The following LOC400499 variants were observed in gnomAD, a reference collection of about 807,000 sequenced individuals.
chr16:11,494,919 AC>A, the LOC400499 span, among the ~76,000 whole-genome samples: 1 of 152,090 alleles, frequency 6.6e-6, no homozygotes, highest in Non-Finnish European at 1.5e-5. Context: ...TTTTAAAAGC[AC>A]CCCAGAGGCC....
At chr16:11,490,088 T>G in the LOC400499 span, among the ~76,000 whole-genome samples, 1 of 152,198 alleles carries the variant, frequency 6.6e-6, no homozygotes, top group Non-Finnish European at 1.5e-5. Flanking sequence ...CTCCTAGACA[T>G]GCTAAAGACA....
At chr16:11,466,929 G>C in the LOC400499 span, among the ~76,000 whole-genome samples, 1 of 150,348 alleles carries the variant, frequency 6.7e-6, no homozygotes, top group African/African-American at 2.5e-5. Context: ...TATTGTGTGT[G>C]TGTGTGTGTA....
At chr16:11,415,612 G>A in the LOC400499 span, among the ~76,000 whole-genome samples, 3 of 152,328 alleles carry the variant, frequency 2.0e-5, no homozygotes, top group South Asian at 4.1e-4. Context: ...CAAGGAGACA[G>A]GGGACACAAT....
chr16:11,444,393 C>A, the LOC400499 span, among the ~76,000 whole-genome samples: 1 of 152,104 alleles, frequency 6.6e-6, no homozygotes, highest in Non-Finnish European at 1.5e-5. Context: ...CAGAGCAAGA[C>A]CCTGCCTCAA....
At chr16:11,513,300 C>G in the LOC400499 span, among the ~76,000 whole-genome samples, 16 of 149,576 alleles carry the variant, frequency 1.1e-4, no homozygotes, top group East Asian at 2.7e-3. Context: ...AGTTACCTGG[C>G]GGGCTGAGGT....
At chr16:11,448,567 C>A in the LOC400499 span, among the ~76,000 whole-genome samples, 61 of 6,866 alleles carry the variant, frequency 8.9e-3, no homozygotes, top group South Asian at 0.062. Context: ...AACAAACAAA[C>A]GTCAGTGATG....
the LOC400499 span, among the ~76,000 whole-genome samples, chr16:11,429,313 G>T: frequency 6.6e-6 from 1 of 152,092 alleles, no homozygotes; most frequent in African/African-American, 2.4e-5. Context: ...CGTGCTGGCA[G>T]AGGAGAAGAT....
the LOC400499 span, among the ~76,000 whole-genome samples, chr16:11,483,859 A>G: frequency 1.3e-5 from 2 of 151,974 alleles, no homozygotes; most frequent in Admixed American, 6.6e-5. Flanking sequence ...TGGGTGACAG[A>G]GTGAGACTGT....
At chr16:11,383,980 TTC>T in the LOC400499 span, 1 of 1,231,648 alleles carries the variant, frequency 8.1e-7, no homozygotes, top group African/African-American at 1.6e-5. Context: ...CTGCTGAGGC[TTC>T]TCAGTGGCCC....
At chr16:11,401,136 T>G in the LOC400499 span, 1 of 397,782 alleles carries the variant, frequency 2.5e-6, no homozygotes, top group African/African-American at 2.1e-5. Flanking sequence ...GAAGCTGTGA[T>G]TCCGGAGAAG....
the LOC400499 span, among the ~76,000 whole-genome samples, chr16:11,517,356 C>G: frequency 0.031 from 4,716 of 152,280 alleles, 242 homozygotes; most frequent in African/African-American, 0.11. Context: ...ATAAAAAAAT[C>G]TATCTACCTC....
chr16:11,396,308 A>G, the LOC400499 span: 2 of 433,716 alleles, frequency 4.6e-6, no homozygotes, highest in East Asian at 3.7e-5. Context: ...TCTTGGCGCC[A>G]GGGCCAGGCC....
chr16:11,484,971 G>T, the LOC400499 span: 10 of 399,170 alleles, frequency 2.5e-5, no homozygotes, highest in Non-Finnish European at 4.4e-5. Context: ...GGCCCTGGGG[G>T]TTCCTCTGGC....
the LOC400499 span, chr16:11,459,798 C>G: frequency 1.7e-6 from 2 of 1,192,056 alleles, no homozygotes; most frequent in East Asian, 6.3e-5. Flanking sequence ...TGCTTGCATC[C>G]TTGTAGCCAG....
the LOC400499 span, chr16:11,457,110 G>T: frequency 7.0e-7 from 1 of 1,432,608 alleles, no homozygotes; most frequent in Non-Finnish European, 9.2e-7. Context: ...TGCCCGGGAA[G>T]TTGAGGCAGC....
the LOC400499 span, chr16:11,407,409 C>T: frequency 5.0e-6 from 2 of 397,376 alleles, no homozygotes; most frequent in East Asian, 7.1e-5. Flanking sequence ...TGGAACATTC[C>T]AGGAGATGCT....
the LOC400499 span, among the ~76,000 whole-genome samples, chr16:11,420,464 G>A: frequency 1.6e-5 from 2 of 126,868 alleles, no homozygotes; most frequent in Middle Eastern, 4.1e-3. Flanking sequence ...GGAGGGGGGA[G>A]GGATAGCATT....
the LOC400499 span, among the ~76,000 whole-genome samples, chr16:11,402,820 G>C: frequency 6.6e-6 from 1 of 152,096 alleles, no homozygotes; most frequent in Admixed American, 6.6e-5. Flanking sequence ...GGAATACTTT[G>C]TTACCATCCT....
chr16:11,471,657 G>C, the LOC400499 span: 6 of 398,954 alleles, frequency 1.5e-5, no homozygotes, highest in Non-Finnish European at 2.7e-5. Flanking sequence ...GGCCCACCTG[G>C]GGCTGCAGGG....
Sources: gnomAD v4.1 joint callset for allele counts (sites outside exome capture counted in the v4.1 genomes callset) on GRCh38, gnomAD v4.1.1 for gene constraint, MANE v1.5 for transcripts.